Variants in ABHD12 observed in about 807,000 individuals in gnomAD.
ABHD12 encodes abhydrolase domain containing 12, lysophospholipase.
In ABHD12, 43 loss-of-function variants were observed where a neutral mutation model predicts 58.3. The observed-to-expected ratio is 0.74, with a 90% CI of 0.58 to 0.95. ABHD12 has a LOEUF of 0.95. Among genes scored for constraint, ABHD12 ranks in the 40% least tolerant of loss-of-function variants. The pLI, the probability that ABHD12 is intolerant of heterozygous loss-of-function variation, is 0.00. For synonymous variants in ABHD12, 219 were observed against 211.2 expected (o/e 1.04, Z -0.32); for missense variants, 539 against 537.2 (o/e 1.00, Z -0.03).
At chr20:25,390,365 G>T (rs1045548483) in intron 1 of ABHD12, 148 bp downstream of exon 1, 1 of 816,148 alleles carries the variant, frequency 1.2e-6, no homozygotes, top group Non-Finnish European at 1.7e-6. Flanking sequence ...GGCCAAATGC[G>T]GGACACAGGC....
At chr20:25,296,548 C>T (rs200991582), downstream of ABHD12, 22 of 1,590,976 alleles carry the variant, frequency 1.4e-5, no homozygotes, top group Middle Eastern at 1.7e-4. Context: ...GCGGGACCAG[C>T]GGGCATTTGT....
intron 3 of ABHD12, among the ~76,000 whole-genome samples, chr20:25,322,783 C>T (rs1263955524): frequency 1.3e-5 from 2 of 151,964 alleles, no homozygotes; most frequent in Non-Finnish European, 2.9e-5. Flanking sequence ...AGTGCAGTGG[C>T]GTGAACTCAG....
At chr20:25,337,253 C>T (rs1293759413) in intron 2 of ABHD12, among the ~76,000 whole-genome samples, 3 of 152,154 alleles carry the variant, frequency 2.0e-5, no homozygotes, top group African/African-American at 7.2e-5. Context: ...GCAACAGAGC[C>T]ACGCCCTGTC....
At chr20:25,377,985 C>T (rs1253115431) in intron 1 of ABHD12, among the ~76,000 whole-genome samples, 2 of 152,170 alleles carry the variant, frequency 1.3e-5, no homozygotes, top group African/African-American at 4.8e-5. Context: ...CGTGGGCCAC[C>T]GCGTCCGGCC....
intron 2 of ABHD12, chr20:25,338,964 C>T: frequency 8.0e-7 from 1 of 1,247,866 alleles, no homozygotes; most frequent in Non-Finnish European, 1.0e-6. Context: ...GGGAGCAACA[C>T]TAGCACAGAA....
At chr20:25,323,108 C>G (rs1195959418) in intron 3 of ABHD12, among the ~76,000 whole-genome samples, 1 of 152,176 alleles carries the variant, frequency 6.6e-6, no homozygotes, top group African/African-American at 2.4e-5. Context: ...GTTCACAAAG[C>G]CTTTGCTGTT....
intron 1 of ABHD12, among the ~76,000 whole-genome samples, chr20:25,351,000 CA>C (rs1254482061): frequency 2.0e-3 from 217 of 106,440 alleles, no homozygotes; most frequent in South Asian, 2.4e-3. Flanking sequence ...CACACACACA[CA>C]CACACACACC....
chr20:25,317,196 C>T (rs2088979080), intron 4 of ABHD12, 118 bp from the exon 5 acceptor site: 2 of 719,888 alleles, frequency 2.8e-6, no homozygotes, highest in South Asian at 1.5e-5. Flanking sequence ...GAACCTCTTC[C>T]TTGGGTCCCC....
At position 25,363,281 on chromosome 20, in the gene ABHD12, C is replaced by A. The variant is rs2089777442; in HGVS notation, c.192-23930G>T. Among the ~76,000 whole-genome samples the A allele has an allele frequency of 2.1e-5, 3 of 145,674 alleles. No individual in the cohort carries two copies. The South Asian group carries it at 6.5e-4, about 32-fold the overall frequency. On this transcript the variant is annotated intron_variant, in intron 1 of 12. Transcript: ENST00000339157. ...GTTGCCAGGCTGGAGTGCAGTGGTG[C>A]AATCTTGGCTCACCACAACCTCCGC...
chr20:25,345,775 C>G (rs535250141), intron 1 of ABHD12, among the ~76,000 whole-genome samples: 2 of 152,120 alleles, frequency 1.3e-5, no homozygotes, highest in Admixed American at 1.3e-4. Flanking sequence ...ATGCAAAACA[C>G]TGATAACACT....
At chr20:25,337,788 CA>C (rs1020127552) in intron 2 of ABHD12, among the ~76,000 whole-genome samples, 2 of 152,200 alleles carry the variant, frequency 1.3e-5, no homozygotes, top group African/African-American at 4.8e-5. Context: ...GTACTGTGTA[CA>C]TTTAAGGAAC....
intron 1 of ABHD12, among the ~76,000 whole-genome samples, chr20:25,344,033 A>C (rs1456215091): frequency 2.0e-5 from 3 of 152,204 alleles, no homozygotes; most frequent in Admixed American, 1.3e-4. Flanking sequence ...TGATCATATA[A>C]ATAGATGCAC....
At chr20:25,321,535 C>G (rs540049500) in intron 3 of ABHD12, among the ~76,000 whole-genome samples, 1 of 152,378 alleles carries the variant, frequency 6.6e-6, no homozygotes, top group East Asian at 1.9e-4. Flanking sequence ...GCCGCACTCA[C>G]CAACACGCAC....
intron 1 of ABHD12, among the ~76,000 whole-genome samples, chr20:25,347,662 T>TAAA (rs36051321): frequency 6.7e-6 from 1 of 149,724 alleles, no homozygotes; most frequent in Non-Finnish European, 1.5e-5. Flanking sequence ...TCTGTCTCTA[T>TAAA]AAAAAAAAAA....
chr20:25,332,133 A>T (rs1265918639), intron 2 of ABHD12, among the ~76,000 whole-genome samples: 1 of 151,970 alleles, frequency 6.6e-6, no homozygotes, highest in Non-Finnish European at 1.5e-5. Flanking sequence ...AATGGAAAAC[A>T]AAAAAAGGCA....
At chr20:25,299,196 A>G (rs2088595879), downstream of ABHD12, among the ~76,000 whole-genome samples, 1 of 152,232 alleles carries the variant, frequency 6.6e-6, no homozygotes, top group Non-Finnish European at 1.5e-5. Flanking sequence ...CAGGAGTTCG[A>G]GACCAGCCTG....
intron 1 of ABHD12, among the ~76,000 whole-genome samples, chr20:25,363,055 G>C (rs1231618233): frequency 6.6e-6 from 1 of 151,714 alleles, no homozygotes; most frequent in Non-Finnish European, 1.5e-5. Context: ...TTTTTATAAG[G>C]GTTATCTATT....
intron 8 of ABHD12, 86 bp from the exon 9 acceptor site, chr20:25,308,131 A>G: frequency 1.1e-6 from 1 of 951,632 alleles, no homozygotes. Context: ...GCCCCCAGAA[A>G]GCACAAGGAG....
chr20:25,368,543 T>C (rs1423584572), intron 1 of ABHD12: 2 of 1,428,862 alleles, frequency 1.4e-6, no homozygotes, highest in African/African-American at 2.8e-5. Flanking sequence ...GTAAATGGAC[T>C]TGCCACCAGT....
Sources: gnomAD v4.1 joint callset for allele counts (sites outside exome capture counted in the v4.1 genomes callset) on GRCh38, gnomAD v4.1.1 for gene constraint, MANE v1.5 for transcripts, NCBI Gene and HGNC (gene_info 2026-07-23, HGNC 2026-07-21) for gene names.